Variants in C11orf98 observed in about 807,000 individuals in gnomAD.
C11orf98 encodes 28S rRNA/ribosome and sororin micro-cofactor.
A neutral mutation model predicts 10.9 loss-of-function variants in C11orf98; 7 were observed. That is an observed-to-expected ratio of 0.64 (90% CI 0.37 to 1.21). The LOEUF is 1.21. Among genes scored for constraint, C11orf98 ranks in the 50% most tolerant of loss-of-function variants. C11orf98 has a pLI of 0.02. For synonymous variants in C11orf98, 70 were observed against 57.2 expected (o/e 1.22, Z -1.01); for missense variants, 181 against 153.7 (o/e 1.18, Z -0.94).
intron 2 of C11orf98, among the ~76,000 whole-genome samples, chr11:62,664,011 T>TGCA (rs1328629197): frequency 7.0e-6 from 1 of 143,762 alleles, no homozygotes; most frequent in Admixed American, 7.4e-5. Flanking sequence ...AGGCAGGGGT[T>TGCA]GCAGTGAGCC....
At chr11:62,664,760 G>A (rs894768002) in intron 2 of C11orf98, 89 bp downstream of exon 2, 28 of 1,486,784 alleles carry the variant, frequency 1.9e-5, no homozygotes, top group Non-Finnish European at 2.5e-5. Flanking sequence ...TGCACAAGGT[G>A]AGCTGAGAGG....
rs537564268 is a variant in C11orf98, at chr11:62,665,176, G to C, written c.-7C>G. 3 of 854,896 alleles carry C rather than the reference G, an allele frequency of 3.5e-6. No homozygotes were observed. Among genetic ancestry groups the C allele is most frequent in the Non-Finnish European group, 5.7e-6 (3 of 524,202 alleles). The allele number at this position is 854,896 out of a possible 1,614,324, so 53.0% of individuals were successfully genotyped here. On this transcript the variant is annotated 5_prime_UTR_variant, in exon 1 of 4. In the 5' UTR this introduces an upstream ATG that the reference lacks. Transcript: ENST00000524958. ...TTCCCCCCGGAGCTCCCATAGTCGC[G>C]ATTCCACTCCAGTTCACGGTCCGTA...
At position 62,664,976 on chromosome 11, in the gene C11orf98, G is replaced by A; in HGVS notation, c.40-3C>T. 1 of 1,610,542 alleles carries A rather than the reference G, an allele frequency of 6.2e-7. No individual in the cohort carries two copies. The highest frequency in any genetic ancestry group is 8.5e-7 in the Non-Finnish European group (1 of 1,179,750). On this transcript the variant is annotated splice_region_variant and splice_polypyrimidine_tract_variant and intron_variant, in intron 1 of 3. Coordinates refer to ENST00000524958, the MANE Select transcript of C11orf98 (RefSeq NM_001286086.2). ...TTGAACAGCTTCTTCTTCAGCTCCT[G>A]CCGGGGAGAAAGATGCGAATCAGAT... is the stretch of plus-strand genomic sequence containing the variant.
chr11:62,664,930 C>T lies in C11orf98; in HGVS notation c.83G>A (p.Arg28Gln), dbSNP rs767806600. ...KLFKRRRVLN[R>Q]ERRLRHRVVG... ...CACCCGGTGCCTCAGACGCCGCTCC[C>T]GATTCAACACCCGCCGGCGTTTGAA... The change falls in exon 2 of 4, where the codon CGG becomes CAG. Residue 28 changes from arginine to glutamine, a missense_variant. Physicochemically the swap from Arg to Gln is conservative, Grantham distance 43 (BLOSUM62 1). Coordinates refer to ENST00000524958, the MANE Select transcript of C11orf98 (RefSeq NM_001286086.2). 6.2e-7 allele frequency: 1 copy of T among 1,607,360 alleles called. No homozygotes were observed. Among genetic ancestry groups the T allele is most frequent in the East Asian group, 2.2e-5 (1 of 44,606 alleles).
In C11orf98 at chr11:62,663,149, A is replaced by AG; in HGVS notation, c.272dup (p.Ser92PhefsTer7). On this transcript the variant is annotated frameshift_variant, in exon 4 of 4. Coordinates refer to ENST00000524958, the MANE Select transcript of C11orf98 (RefSeq NM_001286086.2). LOFTEE classifies it low-confidence loss of function (END_TRUNC). The stretch of plus-strand genomic sequence containing the variant: ...GTTCACTAGTCCTGGCTGGCTTTGA[A>AG]GGGGCTTCCACTGAGTAAAGGGAAG... 1 of 1,614,104 alleles carries AG rather than the reference A, an allele frequency of 6.2e-7. No individual in the cohort carries two copies. Among genetic ancestry groups the AG allele is most frequent in the Non-Finnish European group, 8.5e-7 (1 of 1,180,002 alleles).
At chr11:62,664,775 G>A in intron 2 of C11orf98, 74 bp downstream of exon 2, 4 of 1,523,412 alleles carry the variant, frequency 2.6e-6, no homozygotes, top group Non-Finnish European at 3.5e-6. Context: ...GAGAGGTGAA[G>A]CTGCTCCGGA....
chr11:62,664,736 C>A, intron 2 of C11orf98, 113 bp downstream of exon 2: 4 of 1,355,592 alleles, frequency 3.0e-6, no homozygotes, highest in Non-Finnish European at 4.0e-6. Flanking sequence ...AGACATTCCC[C>A]GCATAAGCGT....
intron 2 of C11orf98, among the ~76,000 whole-genome samples, chr11:62,664,411 A>G (rs1277178317): frequency 6.9e-6 from 1 of 144,284 alleles, no homozygotes; most frequent in Non-Finnish European, 1.5e-5. Flanking sequence ...GCTCACTGCA[A>G]CCTCCGCCTC....
chr11:62,664,044 G>C (rs1243694226), intron 2 of C11orf98, among the ~76,000 whole-genome samples: 2 of 136,614 alleles, frequency 1.5e-5, no homozygotes, highest in African/African-American at 5.5e-5. Context: ...CTTCACTCCA[G>C]CCTGGGCAAC....
intron 2 of C11orf98, 30 bp downstream of exon 2, chr11:62,664,819 C>G (rs1230236238): frequency 3.2e-6 from 5 of 1,552,502 alleles, no homozygotes; most frequent in Non-Finnish European, 4.4e-6. Context: ...TCGGTGGGGA[C>G]GACCAACAGG....
In C11orf98 at chr11:62,663,337, A is replaced by T. The variant is rs760712383; in HGVS notation, c.165-4T>A. The T allele has an allele frequency of 1.2e-6, 2 of 1,612,956 alleles. No homozygotes were observed. Among genetic ancestry groups the T allele is most frequent in the East Asian group, 4.5e-5 (2 of 44,878 alleles). On this transcript the variant is annotated splice_polypyrimidine_tract_variant and splice_region_variant and intron_variant, in intron 2 of 3. Coordinates refer to ENST00000524958, the MANE Select transcript of C11orf98 (RefSeq NM_001286086.2). ...AATGTTGGCACGTGCACTGGACCTGATGGGTAAGTGGAAATAAAGAGAGCT... is the reference window on the plus strand; with the variant it reads ...AATGTTGGCACGTGCACTGGACCTGTTGGGTAAGTGGAAATAAAGAGAGCT...
intron 2 of C11orf98, 42 bp downstream of exon 2, chr11:62,664,807 A>C: frequency 6.5e-7 from 1 of 1,550,112 alleles, no homozygotes; most frequent in African/African-American, 1.4e-5. Flanking sequence ...AGGAAGGAAG[A>C]CTCGGTGGGG....
At chr11:62,664,239 G>A in intron 2 of C11orf98, among the ~76,000 whole-genome samples, 1 of 150,992 alleles carries the variant, frequency 6.6e-6, no homozygotes, top group Non-Finnish European at 1.5e-5. Context: ...GCACTTTTCT[G>A]TATGTAAAAA....
At chr11:62,664,705 G>T in intron 2 of C11orf98, 144 bp downstream of exon 2, 1 of 1,096,686 alleles carries the variant, frequency 9.1e-7, no homozygotes, top group South Asian at 1.6e-5. Context: ...GGCTATCAGA[G>T]CTTAGGAACT....
chr11:62,662,829 G>A lies in C11orf98; in HGVS notation c.*221C>T, dbSNP rs545071343. ...AATCACACACATCTCAGAGTGCTAG[G>A]GCTTTATTACAAATGGAGTTGACTG... On this transcript the variant is annotated 3_prime_UTR_variant, in exon 4 of 4. Transcript: ENST00000524958. 1.4e-4 allele frequency: 77 copies of A among 555,764 alleles called. 1 individual carries two copies. In the South Asian group the frequency reaches 1.5e-3, roughly 11 times the overall value. The allele number at this position is 555,764 out of a possible 1,614,324, so 34.4% of individuals were successfully genotyped here.
rs750901662 is a variant in C11orf98, at chr11:62,664,857, C to T, written c.156G>A (p.Lys52=). Residue 52 remains lysine (K), a synonymous_variant, in exon 2 of 4, where the codon AAG becomes AAA. Coordinates refer to ENST00000524958, the MANE Select transcript of C11orf98 (RefSeq NM_001286086.2). The stretch of plus-strand genomic sequence containing the variant: ...GAGGGTCTAGTACTTACGCCCGCTT[C>T]TTGAGGTGGTGCCGCGTGATCAGCC... ...DQGLITRHHL[K]KRASSARANI... is the part of the protein sequence containing the mutation. 1.7e-5 allele frequency: 26 copies of T among 1,570,228 alleles called. No individual in the cohort carries two copies. The highest frequency in any genetic ancestry group is 2.0e-5 in the Non-Finnish European group (23 of 1,157,294).
At position 62,663,270 on chromosome 11, in the gene C11orf98, G is replaced by A; in HGVS notation, c.228C>T (p.Ile76=). ...GKKRRKLLQQ[I]RLAQKEKTAM... is the part of the protein sequence containing the mutation. ...CTGTCTTCTCTTTCTGGGCAAGCCG[G>A]ATCTGCTGGAGGAGTTTTCTGCGCT... Residue 76 remains isoleucine (I), a synonymous_variant, in exon 3 of 4, where the codon ATC becomes ATT. Transcript: ENST00000524958. 1.2e-6 allele frequency: 2 copies of A among 1,614,174 alleles called. No homozygotes were observed. Among genetic ancestry groups the A allele is most frequent in the Non-Finnish European group, 1.7e-6 (2 of 1,180,034 alleles).
rs1276779240 is a variant in C11orf98 at position 62,662,938 on chromosome 11, G to T, written c.*112C>A. 8 of 806,610 alleles carry T rather than the reference G, an allele frequency of 9.9e-6. No homozygotes were observed. Among genetic ancestry groups the T allele is most frequent in the Non-Finnish European group, 1.6e-5 (8 of 515,220 alleles). 50.0% of individuals were successfully genotyped at this position (806,610 alleles called of 1,614,324 possible). A position where few individuals can be genotyped will look rare whatever the true frequency, so the allele number is the denominator to read the frequency against. ...TCTAGGGGAGGTCAGTAGGCCATTA[G>T]GTAGGAGGAAATCTGGAGAGTGAAA... On this transcript the variant is annotated 3_prime_UTR_variant, in exon 4 of 4. Transcript: ENST00000524958.
chr11:62,664,185 G>A (rs2134603389), intron 2 of C11orf98, among the ~76,000 whole-genome samples: 1 of 151,510 alleles, frequency 6.6e-6, no homozygotes, highest in South Asian at 2.1e-4. Context: ...GAAATCCTAT[G>A]AGTGCCTTTG....
Sources: gnomAD v4.1 joint callset for allele counts (sites outside exome capture counted in the v4.1 genomes callset) on GRCh38, gnomAD v4.1.1 for gene constraint, MANE v1.5 for transcripts, NCBI Gene and HGNC (gene_info 2026-07-23, HGNC 2026-07-21) for gene names.